The following AMDHD1 variants were observed in gnomAD, a reference collection of about 807,000 sequenced individuals.
The protein encoded by AMDHD1 is amidohydrolase domain containing 1.
AMDHD1 carries 45 observed loss-of-function variants against 44.1 expected under a neutral mutation model. The ratio of observed to expected loss-of-function variants is 1.02; its 90% CI spans 0.80 to 1.31. The LOEUF (loss-of-function observed/expected upper bound fraction) is 1.31. Ranked by LOEUF, AMDHD1 falls within the 50% of genes most tolerant of loss-of-function variation. The pLI, the probability that AMDHD1 is intolerant of heterozygous loss-of-function variation, is 0.00. For synonymous variants in AMDHD1, 206 were observed against 205.0 expected, an observed-to-expected ratio of 1.00 and a Z score of -0.04; for missense variants, 586 against 552.1, an observed-to-expected ratio of 1.06 and a Z score of -0.61.
intron 4 of AMDHD1, among the ~76,000 whole-genome samples, chr12:95,959,636 T>A (rs1476482461): frequency 6.6e-6 from 1 of 151,730 alleles, no homozygotes; most frequent in Non-Finnish European, 1.5e-5. Context: ...TACCCCCAGA[T>A]AGTGAGACAG....
chr12:95,956,921 C>A lies in AMDHD1; in HGVS notation c.546C>A (p.Ile182=), dbSNP rs199864506. The change falls in exon 4 of 9, where the codon ATC becomes ATA. Residue 182 remains isoleucine, a synonymous_variant. Transcript: ENST00000266736. ...VIERARRELD[I]GISATYCGAH... is the part of the protein sequence containing the mutation. The stretch of plus-strand genomic sequence containing the variant: ...AGCGCGCCCGGCGGGAGCTGGACAT[C>A]GGCATCTCGGCTACCTACTGCGGGG... The A allele has an allele frequency of 8.1e-6, 13 of 1,612,744 alleles. No individual in the cohort carries two copies. Among genetic ancestry groups the A allele is most frequent in the Non-Finnish European group, 1.1e-5 (13 of 1,179,942 alleles).
intron 5 of AMDHD1, 97 bp from the exon 6 acceptor site, chr12:95,962,258 C>G (rs1165763880): frequency 2.1e-6 from 3 of 1,443,824 alleles, no homozygotes; most frequent in African/African-American, 3.9e-5. Flanking sequence ...AGCAAGACTC[C>G]GTCTCAAAAA....
In AMDHD1 at chr12:95,943,335, T is replaced by C; in HGVS notation, c.-64T>C. The C allele has an allele frequency of 2.9e-6, 3 of 1,042,304 alleles. No individual in the cohort carries two copies. Among genetic ancestry groups the C allele is most frequent in the Admixed American group, 4.7e-5 (1 of 21,300 alleles). The allele number at this position is 1,042,304 out of a possible 1,614,324, so 64.6% of individuals were successfully genotyped here. On this transcript the variant is annotated 5_prime_UTR_variant, in exon 1 of 9. Coordinates refer to ENST00000266736, the MANE Select transcript of AMDHD1 (RefSeq NM_152435.3). ...CAGCGCAGGCTGCGGCTTTTCGTCC[T>C]CCACTGAGTCCTGCCGGTGGCCCGA...
chr12:95,948,310 T>G (rs1472843721), intron 1 of AMDHD1, among the ~76,000 whole-genome samples: 3 of 75,482 alleles, frequency 4.0e-5, no homozygotes, highest in Admixed American at 1.3e-4. Flanking sequence ...GGGAGGGAGG[T>G]GGGGGGGTCA....
At chr12:95,953,267 T>C (rs936747699) in intron 2 of AMDHD1, among the ~76,000 whole-genome samples, 2 of 152,202 alleles carry the variant, frequency 1.3e-5, no homozygotes, top group African/African-American at 4.8e-5. Context: ...CTGCTGTCTC[T>C]AATACTAGAA....
chr12:95,943,633 G>C (rs2080477258), intron 1 of AMDHD1, 98 bp downstream of exon 1: 3 of 1,351,596 alleles, frequency 2.2e-6, no homozygotes, highest in Admixed American at 7.7e-5. Flanking sequence ...CCGTGAAAGC[G>C]TCCCTGCACA....
At chr12:95,956,983 C>T (rs780175052) in intron 4 of AMDHD1, 21 bp downstream of exon 4, 4 of 1,610,982 alleles carry the variant, frequency 2.5e-6, no homozygotes, top group Admixed American at 1.7e-5. Flanking sequence ...CCAGTGGGGG[C>T]CCGGGTTTAA....
At position 95,954,990 on chromosome 12, in the gene AMDHD1, T is replaced by C; in HGVS notation, c.309+15T>C. ...TTGCAATGAAGGTAACTGCAACAAATCATGGCAAATCAAAATAAAGCACAA... is the reference window on the plus strand; with the variant it reads ...TTGCAATGAAGGTAACTGCAACAAACCATGGCAAATCAAAATAAAGCACAA... On this transcript the variant is annotated intron_variant, in intron 3 of 8. Transcript: ENST00000266736. 6.2e-7 allele frequency: 1 copy of C among 1,613,134 alleles called. No individual in the cohort carries two copies.
intron 4 of AMDHD1, among the ~76,000 whole-genome samples, chr12:95,958,214 C>A (rs2080562565): frequency 6.6e-6 from 1 of 151,922 alleles, no homozygotes; most frequent in African/African-American, 2.4e-5. Context: ...CACTTAAAAT[C>A]TATTTTTTAA....
chr12:95,949,492 C>A (rs2080517175), intron 1 of AMDHD1, among the ~76,000 whole-genome samples: 1 of 152,136 alleles, frequency 6.6e-6, no homozygotes, highest in Non-Finnish European at 1.5e-5. Context: ...AATAAAACCA[C>A]ATGTGCCTAT....
At chr12:95,946,061 C>CTCTG (rs1403742643) in intron 1 of AMDHD1, among the ~76,000 whole-genome samples, 45 of 122,582 alleles carry the variant, frequency 3.7e-4, no homozygotes, top group Middle Eastern at 3.9e-3. Flanking sequence ...CTCTTTCTCT[C>CTCTG]TGTGTGTGTG....
Position 95,966,528 on chromosome 12 carries a change from G to T in AMDHD1, c.1193+20G>T. On this transcript the variant is annotated intron_variant, in intron 8 of 8. Coordinates refer to ENST00000266736, the MANE Select transcript of AMDHD1 (RefSeq NM_152435.3). ...ATCCCGGTGAGTGTGCTTCAACTTA[G>T]CTCTTTTATATTATGCCCACTGAAG... The T allele has an allele frequency of 1.9e-6, 3 of 1,613,752 alleles. No homozygotes were observed. Among genetic ancestry groups the T allele is most frequent in the Non-Finnish European group, 2.5e-6 (3 of 1,179,972 alleles).
intron 6 of AMDHD1, among the ~76,000 whole-genome samples, chr12:95,962,987 T>C (rs2080590334): frequency 6.6e-6 from 1 of 152,140 alleles, no homozygotes; most frequent in Non-Finnish European, 1.5e-5. Flanking sequence ...TCTCCCCAGA[T>C]ATTTTGCTGT....
chr12:95,949,718 G>A (rs2080518248), intron 1 of AMDHD1, among the ~76,000 whole-genome samples: 3 of 152,096 alleles, frequency 2.0e-5, no homozygotes, highest in Admixed American at 1.3e-4. Context: ...TTTGTATTCG[G>A]GTTTTTTCAC....
Position 95,960,545 on chromosome 12 carries a change from G to C in AMDHD1, c.735G>C (p.Arg245Ser), listed in dbSNP as rs749029278. 11 of 1,614,098 alleles carry C rather than the reference G, an allele frequency of 6.8e-6. No homozygotes were observed. Among genetic ancestry groups the C allele is most frequent in the African/African-American group, 1.3e-5 (1 of 74,940 alleles). ...TCTTTGATCTCGATTCCACCAGAAG[G>C]ATTCTTCAACGTGGAAAAGATATAG... ...KGVFDLDSTR[R>S]ILQRGKDIGL... is the part of the protein sequence containing the mutation. The change falls in exon 5 of 9, where the codon AGG becomes AGC. Residue 245 changes from arginine to serine, a missense_variant. Transcript: ENST00000266736.
rs190061462 is a variant in AMDHD1 at position 95,946,444 on chromosome 12, A to C, written c.137+2909A>C. Among the ~76,000 whole-genome samples, 167 of 152,256 alleles carry C rather than the reference A, an allele frequency of 1.1e-3. 3 individuals carry two copies. Among genetic ancestry groups the C allele is most frequent in the Admixed American group, 9.4e-3 (144 of 15,290 alleles). On this transcript the variant is annotated intron_variant, in intron 1 of 8. Coordinates refer to ENST00000266736, the MANE Select transcript of AMDHD1 (RefSeq NM_152435.3). ...GCTCAGCGTAGAGGATGCAAAAATG[A>C]CTAAGACTGGTTCAGACCTCAAAGA...
chr12:95,948,545 G>A (rs1432083253), intron 1 of AMDHD1, among the ~76,000 whole-genome samples: 1 of 85,856 alleles, frequency 1.2e-5, no homozygotes, highest in African/African-American at 4.7e-5. Context: ...AGGTGGGGGG[G>A]GGGTCAGCCC....
chr12:95,960,343 C>T, intron 4 of AMDHD1, 55 bp from the exon 5 acceptor site: 2 of 1,514,378 alleles, frequency 1.3e-6, no homozygotes, highest in Non-Finnish European at 1.8e-6. Flanking sequence ...ATTACCCTGT[C>T]TTTTTGTGTT....
intron 3 of AMDHD1, 149 bp downstream of exon 3, chr12:95,955,124 A>T: frequency 1.3e-6 from 1 of 753,356 alleles, no homozygotes; most frequent in Non-Finnish European, 2.2e-6. Flanking sequence ...AACAAATGAC[A>T]ACAAAACTTA....
Sources: gnomAD v4.1 joint callset for allele counts (sites outside exome capture counted in the v4.1 genomes callset) on GRCh38, gnomAD v4.1.1 for gene constraint, MANE v1.5 for transcripts, NCBI Gene and HGNC (gene_info 2026-07-23, HGNC 2026-07-21) for gene names.